Variants in PATL2 observed in about 807,000 individuals in gnomAD.
PATL2 encodes PAT1 homolog 2.
PATL2 carries 73 observed loss-of-function variants against 77.0 expected under a neutral mutation model. The ratio of observed to expected loss-of-function variants is 0.95; its 90% CI spans 0.78 to 1.15. The LOEUF (loss-of-function observed/expected upper bound fraction) is 1.15, where lower values mean the gene tolerates loss of function less well. PATL2 is among the 50% of genes most tolerant of loss of function. The pLI is 0.00. For synonymous variants in PATL2, 265 were observed against 257.1 expected (o/e 1.03, Z -0.29); for missense variants, 618 against 655.4 (o/e 0.94, Z 0.62).
chr15:44,684,003 G>T (rs572097527), intron 3 of PATL2, among the ~76,000 whole-genome samples: 2 of 152,038 alleles, frequency 1.3e-5, no homozygotes, highest in Admixed American at 6.6e-5. Flanking sequence ...CAGCAGAGGG[G>T]CCTGACTGTT....
chr15:44,699,439 A>C (rs538011015), intron 3 of PATL2, among the ~76,000 whole-genome samples: 29 of 152,282 alleles, frequency 1.9e-4, no homozygotes, highest in African/African-American at 6.7e-4. Flanking sequence ...CCTAGCTTAA[A>C]GTGATTCCCA....
At chr15:44,677,643 T>G (rs2086017240) in intron 3 of PATL2, among the ~76,000 whole-genome samples, 1 of 152,130 alleles carries the variant, frequency 6.6e-6, no homozygotes, top group South Asian at 2.1e-4. Flanking sequence ...CCCACATGAC[T>G]TTGTAGAACT....
At chr15:44,679,566 T>C (rs1016430788) in intron 3 of PATL2, among the ~76,000 whole-genome samples, 4 of 148,590 alleles carry the variant, frequency 2.7e-5, no homozygotes, top group African/African-American at 9.9e-5. Context: ...TTTTTTTTTT[T>C]TTTTTTAGTA....
chr15:44,679,767 A>C (rs1315882881), intron 3 of PATL2, among the ~76,000 whole-genome samples: 3 of 152,038 alleles, frequency 2.0e-5, no homozygotes, highest in African/African-American at 7.2e-5. Flanking sequence ...CTATTTTATT[A>C]GTCTTTTTAA....
Position 44,672,162 on chromosome 15 carries a change from A to T in PATL2, c.516-6T>A. Reference sequence around the variant, plus strand: ...AAGGCTTCTTGGCTGGGGGACTTTAAGCCAGGAGGAACAACCCTTTAGACT... The same window carrying T: ...AAGGCTTCTTGGCTGGGGGACTTTATGCCAGGAGGAACAACCCTTTAGACT... On this transcript the variant is annotated splice_region_variant and splice_polypyrimidine_tract_variant and intron_variant, in intron 8 of 17. Transcript: ENST00000682850. The T allele has an allele frequency of 6.4e-7, 1 of 1,551,704 alleles. No homozygotes were observed. The highest frequency in any genetic ancestry group is 8.7e-7 in the Non-Finnish European group (1 of 1,146,986).
intron 15 of PATL2, among the ~76,000 whole-genome samples, chr15:44,668,052 G>A (rs917296902): frequency 2.0e-5 from 3 of 152,154 alleles, no homozygotes; most frequent in African/African-American, 7.2e-5. Flanking sequence ...ACTGAAAGGG[G>A]TATACAAGAG....
chr15:44,687,153 C>T (rs957838893), intron 3 of PATL2, among the ~76,000 whole-genome samples: 2 of 152,120 alleles, frequency 1.3e-5, no homozygotes, highest in Non-Finnish European at 2.9e-5. Flanking sequence ...TGTGAAAGTC[C>T]TCAATAAAAT....
chr15:44,691,393 C>T (rs1433500839), intron 3 of PATL2, among the ~76,000 whole-genome samples: 1 of 152,210 alleles, frequency 6.6e-6, no homozygotes, highest in East Asian at 1.9e-4. Flanking sequence ...CATGGTGGCT[C>T]ATGCCTGTAA....
At position 44,669,151 on chromosome 15, in the gene PATL2, A is replaced by C. The variant is rs1566848858; in HGVS notation, c.1065-12T>G. On this transcript the variant is annotated splice_polypyrimidine_tract_variant and intron_variant, in intron 13 of 17. Transcript: ENST00000682850. Reference sequence around the variant, plus strand: ...CATCTGCTGCCTCTCTGCAAGGGAGAGAGGAGAACATTTTCAGAGCTCTGC... The same window carrying C: ...CATCTGCTGCCTCTCTGCAAGGGAGCGAGGAGAACATTTTCAGAGCTCTGC... 2 of 1,527,250 alleles carry C rather than the reference A, an allele frequency of 1.3e-6. No individual in the cohort carries two copies. The highest frequency in any genetic ancestry group is 1.8e-6 in the Non-Finnish European group (2 of 1,131,356). The allele number at this position is 1,527,250 out of a possible 1,614,324, so 94.6% of individuals were successfully genotyped here.
chr15:44,676,228 G>A (rs754631561), intron 4 of PATL2: 14 of 522,828 alleles, frequency 2.7e-5, no homozygotes, highest in African/African-American at 3.9e-5. Flanking sequence ...TATACTTTAC[G>A]TGCATATGTT....
At chr15:44,683,931 C>T (rs58734746) in intron 3 of PATL2, among the ~76,000 whole-genome samples, 80 of 152,224 alleles carry the variant, frequency 5.3e-4, no homozygotes, top group African/African-American at 1.8e-3. Flanking sequence ...CTGCAGTCTC[C>T]GCTGGTGATA....
chr15:44,689,142 C>T (rs1003092917), intron 3 of PATL2, among the ~76,000 whole-genome samples: 2 of 152,124 alleles, frequency 1.3e-5, no homozygotes, highest in African/African-American at 2.4e-5. Flanking sequence ...TAGAGAAATG[C>T]AAATCAAAAC....
At chr15:44,697,826 C>T (rs1441308748) in intron 3 of PATL2, among the ~76,000 whole-genome samples, 1 of 152,168 alleles carries the variant, frequency 6.6e-6, no homozygotes, top group Non-Finnish European at 1.5e-5. Flanking sequence ...TCTCGGTCTC[C>T]TTATCTGTAA....
chr15:44,677,242 G>A (rs1481950091), intron 3 of PATL2, among the ~76,000 whole-genome samples: 7 of 152,116 alleles, frequency 4.6e-5, no homozygotes, highest in African/African-American at 1.7e-4. Context: ...GGAAAGTCCT[G>A]GGTAGATCCT....
intron 9 of PATL2, 106 bp from the exon 10 acceptor site, chr15:44,670,193 G>A (rs977521146): frequency 1.1e-5 from 16 of 1,427,152 alleles, no homozygotes; most frequent in Non-Finnish European, 1.5e-5. Flanking sequence ...TAGTTTTTTT[G>A]TGTGTGTTAT....
intron 3 of PATL2, among the ~76,000 whole-genome samples, chr15:44,678,497 A>G (rs964236581): frequency 6.6e-6 from 1 of 152,074 alleles, no homozygotes; most frequent in Non-Finnish European, 1.5e-5. Flanking sequence ...GATCCCCTAG[A>G]TGTTCTAACT....
chr15:44,669,671 G>C, intron 11 of PATL2, 106 bp downstream of exon 11: 1 of 1,509,608 alleles, frequency 6.6e-7, no homozygotes. Context: ...AACAAAGTCT[G>C]ATCACACTTC....
At chr15:44,701,269 T>A (rs1045932725) in intron 3 of PATL2, among the ~76,000 whole-genome samples, 15 of 151,966 alleles carry the variant, frequency 9.9e-5, no homozygotes, top group African/African-American at 1.9e-4. Context: ...TTTTTTTTTT[T>A]ATGTGTCTGT....
intron 3 of PATL2, among the ~76,000 whole-genome samples, chr15:44,689,490 C>T (rs1392995165): frequency 1.2e-4 from 19 of 152,140 alleles, no homozygotes; most frequent in Admixed American, 1.2e-3. Flanking sequence ...GCCTGGATAA[C>T]GAACATGTGG....
Sources: gnomAD v4.1 joint callset for allele counts (sites outside exome capture counted in the v4.1 genomes callset) on GRCh38, gnomAD v4.1.1 for gene constraint, MANE v1.5 for transcripts, NCBI Gene and HGNC (gene_info 2026-07-23, HGNC 2026-07-21) for gene names.